STK10: variants seen among roughly 807,000 people sequenced by gnomAD.
The protein encoded by STK10 is serine/threonine-protein kinase 10.
Under a neutral mutation model 113.8 loss-of-function variants are expected in STK10, and 78 were observed. The ratio of observed to expected loss-of-function variants is 0.69; its 90% CI spans 0.57 to 0.83. STK10 has a LOEUF of 0.83. Among genes scored for constraint, STK10 ranks in the 40% least tolerant of loss-of-function variants. The pLI is 0.00. For synonymous variants in STK10, 465 were observed against 494.7 expected (o/e 0.94, Z 0.80); for missense variants, 1,109 against 1,280.1 (o/e 0.87, Z 2.04).
intron 13 of STK10, among the ~76,000 whole-genome samples, chr5:172,061,961 C>T (rs140024132): frequency 6.6e-6 from 1 of 151,480 alleles, no homozygotes; most frequent in African/African-American, 2.4e-5. Context: ...TATACCTATT[C>T]CCATGTTACT....
rs545019190 is a variant in STK10 at position 172,096,556 on chromosome 5, G to A, written c.875C>T (p.Pro292Leu). 1 of 1,613,048 alleles carries A rather than the reference G, an allele frequency of 6.2e-7. No individual in the cohort carries two copies. Among genetic ancestry groups the A allele is most frequent in the African/African-American group, 1.3e-5 (1 of 75,052 alleles). ...RPSAAQLLEH[P>L]FVSSITSNKA... is the part of the protein sequence containing the mutation. ...GTTACTGGTGATGCTGCTGACGAAG[G>A]GATGCTGAGGGGGCAAGATGCACCC... Residue 292 changes from proline (P) to leucine (L), a missense_variant, in exon 8 of 19, where the codon CCC (proline) becomes CTC (leucine). This residue lies in a region of STK10 where 885 missense variants were observed against 991.1 expected (regional missense o/e 0.89). Transcript: ENST00000176763.
intron 4 of STK10, among the ~76,000 whole-genome samples, chr5:172,113,867 C>A (rs1337774224): frequency 6.6e-6 from 1 of 151,346 alleles, no homozygotes; most frequent in African/African-American, 2.4e-5. Context: ...GAGCTAAGAT[C>A]GTGCCATTGC....
intron 4 of STK10, among the ~76,000 whole-genome samples, chr5:172,110,501 A>G (rs1022158396): frequency 2.0e-5 from 3 of 152,124 alleles, no homozygotes; most frequent in African/African-American, 7.2e-5. Flanking sequence ...CAGGGAGAAG[A>G]ACACAGTGCT....
rs527790198 is a variant in STK10, at chr5:172,050,863, C to A, written c.2766+2066G>T. On this transcript the variant is annotated intron_variant, in intron 18 of 18. Coordinates refer to ENST00000176763, the MANE Select transcript of STK10 (RefSeq NM_005990.4). The stretch of plus-strand genomic sequence containing the variant: ...GAGTATCTGGGACTACAGGCATGTG[C>A]CACTGTGCCCGGCTAATTTTTGTAT... 2.6e-5 allele frequency among the ~76,000 whole-genome samples: 4 copies of A among 152,124 alleles called. No homozygotes were observed. The South Asian group carries it at 6.2e-4, about 24-fold the overall frequency.
At chr5:172,045,323 A>G (rs1358638002) in intron 18 of STK10, 1 of 541,646 alleles carries the variant, frequency 1.8e-6, no homozygotes, top group African/African-American at 1.9e-5. Flanking sequence ...TGGCAGGAAA[A>G]CAGCCAAATG....
At chr5:172,165,920 A>T (rs1434239258) in intron 1 of STK10, among the ~76,000 whole-genome samples, 3 of 151,842 alleles carry the variant, frequency 2.0e-5, no homozygotes, top group Admixed American at 6.6e-5. Flanking sequence ...CAGCCTCCCG[A>T]GTAGCTGGGA....
chr5:172,138,809 G>A (rs541067335), intron 2 of STK10, among the ~76,000 whole-genome samples: 177 of 152,098 alleles, frequency 1.2e-3, no homozygotes, highest in African/African-American at 3.6e-3. Context: ...TCAGGAGATC[G>A]AGACCATCCT....
intron 12 of STK10, among the ~76,000 whole-genome samples, chr5:172,065,666 T>C (rs1308395529): frequency 6.6e-6 from 1 of 152,174 alleles, no homozygotes; most frequent in Non-Finnish European, 1.5e-5. Flanking sequence ...CAGGAACTGA[T>C]TCAGAGATAA....
chr5:172,168,570 CCT>C (rs1292659497), intron 1 of STK10, among the ~76,000 whole-genome samples: 5 of 152,178 alleles, frequency 3.3e-5, no homozygotes, highest in African/African-American at 1.2e-4. Flanking sequence ...ATGAAAAAGG[CCT>C]GTCAAACCCT....
At chr5:172,129,245 G>A (rs1213180658) in intron 2 of STK10, among the ~76,000 whole-genome samples, 2 of 152,334 alleles carry the variant, frequency 1.3e-5, no homozygotes, top group East Asian at 3.9e-4. Context: ...AGAGATACTA[G>A]GTTCCAGGGG....
At position 172,052,948 on chromosome 5, in the gene STK10, TTGTCCCGCC is replaced by T; in HGVS notation, c.2738_2746del (p.Trp913_Lys916delinsTer). The stretch of plus-strand genomic sequence containing the variant: ...AGTTACCTTCTTGCGCGGCCGAAGC[TTGTCCCGCC>T]ATTCCTTCAGGTTCTGGTTATGGCT... On this transcript the variant is annotated stop_gained and inframe_deletion, in exon 18 of 19. Transcript: ENST00000176763. LOFTEE classifies it low-confidence loss of function (END_TRUNC). The T allele has an allele frequency of 6.2e-7, 1 of 1,614,158 alleles. No homozygotes were observed. The highest frequency in any genetic ancestry group is 1.1e-5 in the South Asian group (1 of 91,080).
chr5:172,116,253 G>A (rs1769381017), intron 4 of STK10, among the ~76,000 whole-genome samples: 1 of 151,918 alleles, frequency 6.6e-6, no homozygotes, highest in Non-Finnish European at 1.5e-5. Context: ...GCTAATTTTT[G>A]TATTTTTAGT....
rs571651309 is a variant in STK10, at chr5:172,079,728, T to G, written c.1989+2598A>C. Reference sequence around the variant, plus strand: ...GCACCTGTGATCATGCCTGACTAATTTTTTTGTGTTTTTAGCAGAGATGGG... The same window carrying G: ...GCACCTGTGATCATGCCTGACTAATGTTTTTGTGTTTTTAGCAGAGATGGG... On this transcript the variant is annotated intron_variant, in intron 12 of 18. Transcript: ENST00000176763. Among the ~76,000 whole-genome samples, 51 of 151,994 alleles carry G rather than the reference T, an allele frequency of 3.4e-4. 1 individual carries two copies. The South Asian group carries it at 0.011, about 32-fold the overall frequency.
At chr5:172,118,804 A>C (rs1183859792) in intron 3 of STK10, among the ~76,000 whole-genome samples, 2 of 147,460 alleles carry the variant, frequency 1.4e-5, no homozygotes, top group African/African-American at 5.1e-5. Flanking sequence ...GCTTGACCCC[A>C]GGAGGCAGAG....
chr5:172,127,525 G>C lies in STK10; in HGVS notation c.322-104C>G, dbSNP rs115944358. The C allele has an allele frequency of 5.6e-3, 6,738 of 1,207,112 alleles. 254 individuals are homozygous for C. The African/African-American group carries it at 0.083, about 15-fold the overall frequency. The allele number at this position is 1,207,112 out of a possible 1,614,324, so 74.8% of individuals were successfully genotyped here. On this transcript the variant is annotated intron_variant, in intron 2 of 18. Transcript: ENST00000176763. ...CAGGGTCCACCCATGCCCAATGCCT[G>C]GGTGCCCCTGCTCTCCAGCCCTTCC...
chr5:172,181,501 G>C (rs1470699307), intron 1 of STK10, among the ~76,000 whole-genome samples: 1 of 128,428 alleles, frequency 7.8e-6, no homozygotes, highest in African/African-American at 3.1e-5. Flanking sequence ...TTTTTTTTTT[G>C]AGACAGAGTC....
chr5:172,106,415 A>AAAAAAAAAAAAAAAAAAAAAAAAAAAAC, intron 6 of STK10, among the ~76,000 whole-genome samples: 1 of 145,770 alleles, frequency 6.9e-6, no homozygotes, highest in Non-Finnish European at 1.5e-5. Context: ...AAAAAAAAAA[A>AAAAAAAAAAAAAAAAAAAAAAAAAAAAC]AAAGGAACAC....
Position 172,107,855 on chromosome 5 carries a change from G to C in STK10, c.521-3C>G. The C allele has an allele frequency of 6.2e-7, 1 of 1,614,042 alleles. No individual in the cohort carries two copies. Among genetic ancestry groups the C allele is most frequent in the South Asian group, 1.1e-5 (1 of 91,064 alleles). On this transcript the variant is annotated splice_polypyrimidine_tract_variant and splice_region_variant and intron_variant, in intron 4 of 18. Coordinates refer to ENST00000176763, the MANE Select transcript of STK10 (RefSeq NM_005990.4). ...CTTGGCAGACACACCAAAGTCAGCT[G>C]CAAGACAAAATCTCAGCTAGCGTTT...
chr5:172,079,760 C>T (rs1197048333), intron 12 of STK10, among the ~76,000 whole-genome samples: 4 of 152,008 alleles, frequency 2.6e-5, no homozygotes, highest in African/African-American at 9.7e-5. Flanking sequence ...TGGGGTTTCA[C>T]CATGTTGGCC....
Sources: gnomAD v4.1 joint callset for allele counts (sites outside exome capture counted in the v4.1 genomes callset) on GRCh38, gnomAD v4.1.1 for gene constraint, gnomAD v4.1.1 regional missense constraint, MANE v1.5 for transcripts, NCBI Gene and HGNC (gene_info 2026-07-23, HGNC 2026-07-21) for gene names.